ITGA8: variants seen among roughly 807,000 people sequenced by gnomAD.
ITGA8 encodes integrin subunit alpha 8.
Under a neutral mutation model 142.3 loss-of-function variants are expected in ITGA8, and 91 were observed. The ratio of observed to expected loss-of-function variants is 0.64; its 90% CI spans 0.54 to 0.76. The LOEUF (loss-of-function observed/expected upper bound fraction) is 0.76, where lower values mean the gene tolerates loss of function less well. Ranked by LOEUF, ITGA8 falls within the 30% of genes least tolerant of loss-of-function variation. The pLI is 0.00. For missense variants in ITGA8, 1,406 were observed against 1,327.7 expected (o/e 1.06, Z -0.92); for synonymous variants, 505 against 485.2 (o/e 1.04, Z -0.54).
intron 27 of ITGA8, among the ~76,000 whole-genome samples, chr10:15,537,160 G>T (rs796483797): frequency 6.6e-6 from 1 of 152,100 alleles, no homozygotes; most frequent in South Asian, 2.1e-4. Context: ...CCAACATAAC[G>T]CAACAAGTCA....
intron 28 of ITGA8, among the ~76,000 whole-genome samples, chr10:15,527,429 G>C (rs907056194): frequency 3.3e-5 from 5 of 152,156 alleles, no homozygotes; most frequent in African/African-American, 1.2e-4. Context: ...ATAGAATTGA[G>C]TGTTACTTGT....
chr10:15,599,742 G>A (rs1203040084), intron 20 of ITGA8, among the ~76,000 whole-genome samples: 1 of 152,084 alleles, frequency 6.6e-6, no homozygotes, highest in Admixed American at 6.5e-5. Context: ...CCAACATGGT[G>A]AAACCCCATC....
chr10:15,525,345 G>A (rs909811781), intron 28 of ITGA8, among the ~76,000 whole-genome samples: 28 of 151,896 alleles, frequency 1.8e-4, no homozygotes, highest in Admixed American at 1.5e-3. Context: ...TAATAGTCAC[G>A]TTAAAAGGAA....
At chr10:15,585,573 A>T (rs1210542912) in intron 23 of ITGA8, among the ~76,000 whole-genome samples, 1 of 152,224 alleles carries the variant, frequency 6.6e-6, no homozygotes, top group African/African-American at 2.4e-5. Flanking sequence ...CTGGAACCCC[A>T]GTGACAACTT....
At chr10:15,548,374 C>T in intron 27 of ITGA8, 81 bp downstream of exon 27, 1 of 968,904 alleles carries the variant, frequency 1.0e-6, no homozygotes, top group Non-Finnish European at 1.6e-6. Context: ...TTAGAAATCG[C>T]TATGAAAAGA....
chr10:15,698,098 T>A lies in ITGA8; in HGVS notation c.344-10060A>T, dbSNP rs551150228. Among the ~76,000 whole-genome samples the A allele has an allele frequency of 1.1e-4, 16 of 152,284 alleles. No individual in the cohort carries two copies. The East Asian group carries it at 3.1e-3, about 29-fold the overall frequency. On this transcript the variant is annotated intron_variant, in intron 2 of 29. Coordinates refer to ENST00000378076, the MANE Select transcript of ITGA8 (RefSeq NM_003638.3). ...TCCCAGGTCCCCAAAGTCCATTGTG[T>A]CATTCTTATGCCTTTGCATCCTCAT...
chr10:15,520,198 G>T (rs946946517), intron 28 of ITGA8, among the ~76,000 whole-genome samples: 1 of 152,162 alleles, frequency 6.6e-6, no homozygotes, highest in African/African-American at 2.4e-5. Flanking sequence ...GATTGCCTGA[G>T]CTCAGGAGGT....
intron 20 of ITGA8, among the ~76,000 whole-genome samples, chr10:15,598,701 T>G (rs1261217115): frequency 6.6e-6 from 1 of 152,120 alleles, no homozygotes; most frequent in Non-Finnish European, 1.5e-5. Flanking sequence ...TGCAACCAAG[T>G]ATAAAACCCT....
chr10:15,563,743 C>A (rs554660230), intron 25 of ITGA8, among the ~76,000 whole-genome samples: 3 of 152,154 alleles, frequency 2.0e-5, no homozygotes, highest in African/African-American at 7.2e-5. Flanking sequence ...GGCAAAACCC[C>A]ATTTCTACCA....
intron 21 of ITGA8, among the ~76,000 whole-genome samples, chr10:15,594,747 A>C (rs1368048847): frequency 6.6e-6 from 1 of 152,168 alleles, no homozygotes; most frequent in East Asian, 1.9e-4. Context: ...GTGCCATTGC[A>C]CTCTAGCCAG....
At chr10:15,684,154 A>G in intron 3 of ITGA8, 27 bp from the exon 4 acceptor site, 2 of 1,595,996 alleles carry the variant, frequency 1.3e-6, no homozygotes, top group African/African-American at 2.7e-5. Flanking sequence ...ACAAAAAAAT[A>G]CATTTTTGAT....
chr10:15,650,655 A>G (rs982302025), intron 11 of ITGA8, among the ~76,000 whole-genome samples: 1 of 152,186 alleles, frequency 6.6e-6, no homozygotes, highest in Non-Finnish European at 1.5e-5. Flanking sequence ...AGTCTCCGGT[A>G]TTCAATTATA....
At chr10:15,598,731 A>T (rs1395796608) in intron 20 of ITGA8, among the ~76,000 whole-genome samples, 1 of 152,250 alleles carries the variant, frequency 6.6e-6, no homozygotes, top group Non-Finnish European at 1.5e-5. Context: ...ATCCCCAGAT[A>T]CACAGACACA....
At chr10:15,620,308 T>TACACACACAC (rs4030584) in intron 13 of ITGA8, among the ~76,000 whole-genome samples, 3 of 150,818 alleles carry the variant, frequency 2.0e-5, no homozygotes, top group East Asian at 1.9e-4. Flanking sequence ...GGTGTTGAGA[T>TACACACACAC]ACACACACAC....
chr10:15,693,899 C>T (rs1352106012), intron 2 of ITGA8, among the ~76,000 whole-genome samples: 1 of 151,552 alleles, frequency 6.6e-6, no homozygotes, highest in African/African-American at 2.4e-5. Context: ...CTCTTAATGA[C>T]AGATAGCTTA....
chr10:15,561,458 G>A (rs2131572492), intron 25 of ITGA8, among the ~76,000 whole-genome samples: 1 of 152,056 alleles, frequency 6.6e-6, no homozygotes, highest in South Asian at 2.1e-4. Context: ...TGTAAAAAAA[G>A]TAAATGAGAA....
intron 11 of ITGA8, among the ~76,000 whole-genome samples, chr10:15,652,314 T>C (rs939171651): frequency 6.6e-6 from 1 of 152,200 alleles, no homozygotes; most frequent in Non-Finnish European, 1.5e-5. Flanking sequence ...TCCTGAGGAT[T>C]CAAAACAGGA....
Position 15,548,514 on chromosome 10 carries a change from C to T in ITGA8, c.2821G>A (p.Gly941Arg). The change falls in exon 27 of 30, where the codon GGA (glycine) becomes AGA (arginine). Residue 941 changes from glycine to arginine, a missense_variant. Coordinates refer to ENST00000378076, the MANE Select transcript of ITGA8 (RefSeq NM_003638.3). ...QISCAVGRLE[G>R]GESAVLKVRS... ...ACTTTCAGGACTGCGCTTTCTCCTC[C>T]TTCGAGTCGTCCCACTGCACAGGAG... The T allele has an allele frequency of 6.2e-7, 1 of 1,601,478 alleles. No homozygotes were observed. The highest frequency in any genetic ancestry group is 8.5e-7 in the Non-Finnish European group (1 of 1,176,786).
chr10:15,681,176 C>G (rs952365440), intron 4 of ITGA8, among the ~76,000 whole-genome samples: 4 of 152,164 alleles, frequency 2.6e-5, no homozygotes, highest in Admixed American at 6.6e-5. Context: ...ATAAGATTAA[C>G]ATGAGGAGCT....
Sources: gnomAD v4.1 joint callset for allele counts (sites outside exome capture counted in the v4.1 genomes callset) on GRCh38, gnomAD v4.1.1 for gene constraint, MANE v1.5 for transcripts, NCBI Gene and HGNC (gene_info 2026-07-23, HGNC 2026-07-21) for gene names.